Variants in MTFR1 observed in about 807,000 individuals in gnomAD.
MTFR1 encodes the protein mitochondrial fission regulator 1, also known as chondrocyte protein with a poly-proline region.
Under a neutral mutation model 38.8 loss-of-function variants are expected in MTFR1, and 28 were observed. That is an observed-to-expected ratio of 0.72 (90% CI 0.53 to 0.99). The LOEUF is 0.99. Ranked by LOEUF, MTFR1 falls within the 50% of genes least tolerant of loss-of-function variation. The pLI is 0.00. For synonymous variants in MTFR1, 145 were observed against 137.0 expected (o/e 1.06, Z -0.41); for missense variants, 358 against 395.5 (o/e 0.91, Z 0.81).
chr8:65,739,476 A>G (rs1408445229), intron 3 of MTFR1: 1 of 1,526,110 alleles, frequency 6.6e-7, no homozygotes, highest in Non-Finnish European at 8.7e-7. Context: ...AAATCTTGTT[A>G]CTGTTAATGG....
intron 2 of MTFR1, chr8:65,718,045 G>A (rs1475269934): frequency 1.3e-5 from 2 of 152,188 alleles, no homozygotes; most frequent in Non-Finnish European, 2.9e-5. Flanking sequence ...TTTCATCAAA[G>A]GGAGGGACAA....
At chr8:65,662,129 G>A (rs549640002) in intron 1 of MTFR1, among the ~76,000 whole-genome samples, 4 of 141,646 alleles carry the variant, frequency 2.8e-5, no homozygotes, top group East Asian at 4.5e-4. Context: ...CTCTTTCCAC[G>A]GTCTCCCTCT....
In MTFR1 at chr8:65,682,429, A is replaced by C. The variant is rs773190311; in HGVS notation, c.143A>C (p.Gln48Pro). Residue 48 changes from glutamine (Q) to proline (P), a missense_variant, in exon 3 of 8, where the codon CAG becomes CCG. Coordinates refer to ENST00000262146, the MANE Select transcript of MTFR1 (RefSeq NM_014637.4). Reference protein sequence around the residue: ...RKIGTNLSLIQCPRVQFQINS... With the variant: ...RKIGTNLSLIPCPRVQFQINS... ...ATTGGTACTAATTTGTCTCTGATTCAGTGTCCAAGAGTTCAGTTTCAGGTA... is the reference window on the plus strand; with the variant it reads ...ATTGGTACTAATTTGTCTCTGATTCCGTGTCCAAGAGTTCAGTTTCAGGTA... The C allele has an allele frequency of 1.3e-6, 2 of 1,538,542 alleles. No individual in the cohort carries two copies. Among genetic ancestry groups the C allele is most frequent in the South Asian group, 1.3e-5 (1 of 78,172 alleles).
chr8:65,667,001 G>A (rs1198578057), intron 1 of MTFR1, among the ~76,000 whole-genome samples: 4 of 152,112 alleles, frequency 2.6e-5, no homozygotes, highest in African/African-American at 4.8e-5. Flanking sequence ...CCGGCCAGAC[G>A]CGGTGGCTCA....
downstream of MTFR1, among the ~76,000 whole-genome samples, chr8:65,712,271 G>A (rs947763316): frequency 2.0e-5 from 3 of 152,200 alleles, no homozygotes; most frequent in Non-Finnish European, 4.4e-5. Context: ...GGAGGGAAGT[G>A]CATAAGGCAC....
intron 3 of MTFR1, among the ~76,000 whole-genome samples, chr8:65,754,174 C>G (rs1808104799): frequency 6.6e-6 from 1 of 152,052 alleles, no homozygotes; most frequent in Non-Finnish European, 1.5e-5. Context: ...GGAAGCTAGG[C>G]CAGTCTAGTC....
chr8:65,713,383 G>A (rs1444982539), downstream of MTFR1, among the ~76,000 whole-genome samples: 1 of 150,992 alleles, frequency 6.6e-6, no homozygotes, highest in East Asian at 2.0e-4. Flanking sequence ...GGAGGTTGCA[G>A]TGAGCCAAGA....
chr8:65,705,047 C>G, intron 5 of MTFR1, 118 bp downstream of exon 5: 3 of 897,356 alleles, frequency 3.3e-6, no homozygotes, highest in Non-Finnish European at 5.1e-6. Flanking sequence ...AGGTGTCATC[C>G]AGGTACGGTG....
chr8:65,650,947 C>T (rs1434146589), intron 1 of MTFR1, among the ~76,000 whole-genome samples: 3 of 152,220 alleles, frequency 2.0e-5, no homozygotes, highest in Non-Finnish European at 4.4e-5. Flanking sequence ...CTTTTCTCCA[C>T]ATCCTTGCCA....
At chr8:65,752,846 T>C (rs1371564394) in intron 3 of MTFR1, among the ~76,000 whole-genome samples, 2 of 152,214 alleles carry the variant, frequency 1.3e-5, no homozygotes, top group Non-Finnish European at 2.9e-5. Flanking sequence ...TAACTATTTG[T>C]TTGCTTTTCT....
At chr8:65,733,630 A>C (rs183980659) in intron 3 of MTFR1, among the ~76,000 whole-genome samples, 1 of 152,148 alleles carries the variant, frequency 6.6e-6, no homozygotes, top group Non-Finnish European at 1.5e-5. Context: ...TAGAGAAAAA[A>C]AAACAGTTGG....
intron 1 of MTFR1, among the ~76,000 whole-genome samples, chr8:65,659,784 T>G (rs1326117360): frequency 1.3e-5 from 2 of 152,248 alleles, no homozygotes; most frequent in East Asian, 3.8e-4. Flanking sequence ...TGATTCATTG[T>G]ATCTTACAGT....
At chr8:65,695,664 A>G (rs1805421491) in intron 4 of MTFR1, among the ~76,000 whole-genome samples, 1 of 152,172 alleles carries the variant, frequency 6.6e-6, no homozygotes, top group Non-Finnish European at 1.5e-5. Context: ...GCTATAATGT[A>G]TAGGAATATA....
intron 1 of MTFR1, among the ~76,000 whole-genome samples, chr8:65,667,431 C>A (rs1480521703): frequency 6.7e-6 from 1 of 149,142 alleles, no homozygotes; most frequent in African/African-American, 2.5e-5. Context: ...CTTCTTTTTT[C>A]TTTTCTTTTT....
intron 2 of MTFR1, among the ~76,000 whole-genome samples, chr8:65,676,789 T>G (rs543447324): frequency 6.6e-6 from 1 of 152,330 alleles, no homozygotes; most frequent in South Asian, 2.1e-4. Flanking sequence ...AGTGCAGTCA[T>G]CATGGATGAG....
intron 3 of MTFR1, among the ~76,000 whole-genome samples, chr8:65,760,215 G>T (rs1808426152): frequency 6.6e-6 from 1 of 151,622 alleles, no homozygotes; most frequent in Non-Finnish European, 1.5e-5. Context: ...ACTCCAGCCT[G>T]GGCAAGAGTG....
chr8:65,757,005 G>A (rs376736310), intron 3 of MTFR1, among the ~76,000 whole-genome samples: 2 of 152,138 alleles, frequency 1.3e-5, no homozygotes, highest in East Asian at 1.9e-4. Flanking sequence ...CATGCCCTCC[G>A]TAGGTGCACC....
At chr8:65,708,348 TTTTA>T (rs1224623535) in intron 7 of MTFR1, 2 of 370,390 alleles carry the variant, frequency 5.4e-6, no homozygotes, top group Non-Finnish European at 1.0e-5. Context: ...AGGGTTATAT[TTTTA>T]TTTAAGCATA....
At chr8:65,724,737 A>G in intron 3 of MTFR1, 3 of 1,535,504 alleles carry the variant, frequency 2.0e-6, no homozygotes, top group Non-Finnish European at 2.7e-6. Context: ...CAGTCACATA[A>G]TTTATCCTAG....
Sources: allele counts gnomAD v4.1 joint callset (sites outside exome capture counted in the v4.1 genomes callset), GRCh38; gene constraint gnomAD v4.1.1; transcripts MANE v1.5; gene names NCBI Gene and HGNC (gene_info 2026-07-23, HGNC 2026-07-21).